MED13L: variants seen among roughly 807,000 people sequenced by gnomAD.
MED13L encodes mediator of RNA polymerase II transcription subunit 13-like.
MED13L carries 7 observed loss-of-function variants against 220.9 expected under a neutral mutation model. The observed-to-expected ratio is 0.03, with a 90% CI of 0.02 to 0.06. MED13L has a LOEUF of 0.06. Ranked by LOEUF, MED13L falls within the 10% of genes least tolerant of loss-of-function variation. The pLI, the probability that MED13L is intolerant of heterozygous loss-of-function variation, is 1.00. For synonymous variants in MED13L, 1,011 were observed against 1,015.2 expected, an observed-to-expected ratio of 1.00 and a Z score of 0.08; for missense variants, 1,965 against 2,760.5, an observed-to-expected ratio of 0.71 and a Z score of 6.46.
chr12:116,240,536 A>AT (rs201638026), intron 1 of MED13L, among the ~76,000 whole-genome samples: 23,877 of 143,756 alleles, frequency 0.17, 2,036 homozygotes, highest in Middle Eastern at 0.23. Flanking sequence ...GATTTATTTT[A>AT]TTTTTTTTTT....
intron 2 of MED13L, among the ~76,000 whole-genome samples, chr12:116,192,027 A>G (rs953785317): frequency 6.6e-6 from 1 of 152,202 alleles, no homozygotes; most frequent in Non-Finnish European, 1.5e-5. Context: ...AGTGTGCTAA[A>G]ATATTAATAT....
At chr12:116,042,197 T>C (rs1881573851) in intron 4 of MED13L, among the ~76,000 whole-genome samples, 1 of 152,212 alleles carries the variant, frequency 6.6e-6, no homozygotes, top group African/African-American at 2.4e-5. Flanking sequence ...ATGAAGACAC[T>C]GCAGAAAATA....
chr12:116,026,510 G>C (rs1434211102), intron 4 of MED13L, among the ~76,000 whole-genome samples: 1 of 152,184 alleles, frequency 6.6e-6, no homozygotes, highest in African/African-American at 2.4e-5. Flanking sequence ...AAAAGCACCT[G>C]TTAGTGCAGA....
intron 2 of MED13L, among the ~76,000 whole-genome samples, chr12:116,160,649 C>A (rs1402354552): frequency 6.6e-6 from 1 of 152,036 alleles, no homozygotes; most frequent in Non-Finnish European, 1.5e-5. Flanking sequence ...GATCAGAGCT[C>A]CCTGTAGCCT....
intron 1 of MED13L, among the ~76,000 whole-genome samples, chr12:116,272,904 T>C (rs1873501207): frequency 6.6e-6 from 1 of 152,226 alleles, no homozygotes; most frequent in Non-Finnish European, 1.5e-5. Context: ...TATTACCGGG[T>C]GGCAATTATT....
At chr12:116,114,646 G>T (rs1874365241) in intron 2 of MED13L, among the ~76,000 whole-genome samples, 1 of 151,954 alleles carries the variant, frequency 6.6e-6, no homozygotes, top group East Asian at 1.9e-4. Flanking sequence ...AATACAATAG[G>T]GCAAGAAAGA....
chr12:116,136,060 G>A (rs569625456), intron 2 of MED13L, among the ~76,000 whole-genome samples: 112 of 152,132 alleles, frequency 7.4e-4, no homozygotes, highest in African/African-American at 2.6e-3. Flanking sequence ...CCGCCACCAT[G>A]CCCGGCTAAT....
intron 2 of MED13L, among the ~76,000 whole-genome samples, chr12:116,114,262 T>C (rs1874335233): frequency 6.6e-6 from 1 of 152,194 alleles, no homozygotes; most frequent in Non-Finnish European, 1.5e-5. Context: ...AAGGAAAGTT[T>C]ACAAACAACA....
intron 2 of MED13L, among the ~76,000 whole-genome samples, chr12:116,161,712 C>A (rs1037772720): frequency 6.6e-6 from 1 of 152,036 alleles, no homozygotes; most frequent in Non-Finnish European, 1.5e-5. Context: ...TTACTCAAAC[C>A]AGAGGTCAGG....
At chr12:116,216,065 A>T (rs1379241617) in intron 2 of MED13L, among the ~76,000 whole-genome samples, 1 of 152,174 alleles carries the variant, frequency 6.6e-6, no homozygotes, top group Non-Finnish European at 1.5e-5. Flanking sequence ...AGACAAGCTG[A>T]AATTCTAGCT....
chr12:116,080,332 T>C (rs1197298521), intron 4 of MED13L, among the ~76,000 whole-genome samples: 2 of 152,178 alleles, frequency 1.3e-5, no homozygotes, highest in Non-Finnish European at 2.9e-5. Flanking sequence ...CAAAAATAAC[T>C]ATAACAATTA....
chr12:116,111,244 C>G (rs190312986), intron 3 of MED13L, among the ~76,000 whole-genome samples, 184 bp downstream of exon 3: 1 of 152,106 alleles, frequency 6.6e-6, no homozygotes, highest in East Asian at 1.9e-4. Flanking sequence ...TTCTTTGTAC[C>G]ATTCCCAAAA....
intron 25 of MED13L, 119 bp downstream of exon 25, chr12:115,975,051 AT>A: frequency 9.4e-7 from 1 of 1,062,334 alleles, no homozygotes; most frequent in Non-Finnish European, 1.4e-6. Flanking sequence ...TAAAAGAATC[AT>A]AAAATAGAAT....
intron 4 of MED13L, among the ~76,000 whole-genome samples, chr12:116,037,641 G>A (rs551791679): frequency 3.9e-4 from 60 of 152,250 alleles, no homozygotes; most frequent in African/African-American, 1.4e-3. Context: ...CACTTGGGTA[G>A]TGCGTTATAA....
At position 116,007,367 on chromosome 12, in the gene MED13L, T is replaced by C. The variant is rs762300338; in HGVS notation, c.2238+44A>G. 29 of 1,554,538 alleles carry C rather than the reference T, an allele frequency of 1.9e-5. No individual in the cohort carries two copies. In the Admixed American group the frequency reaches 2.0e-4, roughly 11 times the overall value. On this transcript the variant is annotated intron_variant, in intron 11 of 30. Coordinates refer to ENST00000281928, the MANE Select transcript of MED13L (RefSeq NM_015335.5). ...CCCACACATGTTGTACTGACATAGA[T>C]AGAAACCCACACCATGCTGGACTCT...
chr12:115,971,742 C>T (rs980641912), intron 26 of MED13L, among the ~76,000 whole-genome samples: 1 of 152,200 alleles, frequency 6.6e-6, no homozygotes, highest in African/African-American at 2.4e-5. Context: ...TTCAAATATG[C>T]ATCATTCTGG....
intron 2 of MED13L, among the ~76,000 whole-genome samples, chr12:116,192,631 G>T (rs1177506285): frequency 6.6e-6 from 1 of 152,176 alleles, no homozygotes; most frequent in African/African-American, 2.4e-5. Flanking sequence ...TACTCAGGAA[G>T]CTGGACAGTT....
chr12:115,979,234 T>C (rs948850241), intron 23 of MED13L, among the ~76,000 whole-genome samples: 8 of 152,244 alleles, frequency 5.3e-5, no homozygotes, highest in Admixed American at 3.9e-4. Context: ...AGAAAAACGA[T>C]ATTACTCGAA....
intron 1 of MED13L, among the ~76,000 whole-genome samples, chr12:116,266,423 AC>A (rs1872833555): frequency 6.6e-6 from 1 of 151,938 alleles, no homozygotes; most frequent in Non-Finnish European, 1.5e-5. Context: ...TGCCTTCAAA[AC>A]TGCTGCTCTT....
Sources: gnomAD v4.1 joint callset for allele counts (sites outside exome capture counted in the v4.1 genomes callset) on GRCh38, gnomAD v4.1.1 for gene constraint, MANE v1.5 for transcripts, NCBI Gene and HGNC (gene_info 2026-07-23, HGNC 2026-07-21) for gene names.